OXR1: variants seen among roughly 807,000 people sequenced by gnomAD.
OXR1 encodes the protein oxidation resistance protein 1.
Under a neutral mutation model 104.6 loss-of-function variants are expected in OXR1, and 41 were observed. The ratio of observed to expected loss-of-function variants is 0.39; its 90% confidence interval spans 0.31 to 0.51. The LOEUF (loss-of-function observed/expected upper bound fraction) is 0.51. Ranked by LOEUF, OXR1 falls within the 20% of genes least tolerant of loss-of-function variation. The pLI is 0.77. For missense variants in OXR1, 955 were observed against 1,031.9 expected, an observed-to-expected ratio of 0.93 and a Z score of 1.02; for synonymous variants, 348 against 348.4, an observed-to-expected ratio of 1.00 and a Z score of 0.01.
chr8:106,405,202 AGTGTGTGTGT>A (rs58338664), intron 2 of OXR1, among the ~76,000 whole-genome samples: 2 of 20,036 alleles, frequency 1.0e-4, no homozygotes, highest in Admixed American at 5.6e-4. Flanking sequence ...ATATATATAT[AGTGTGTGTGT>A]GTGTGTGTGT....
intron 11 of OXR1, among the ~76,000 whole-genome samples, chr8:106,723,853 A>ACTCACAG (rs1833079887): frequency 6.6e-6 from 1 of 151,864 alleles, no homozygotes; most frequent in East Asian, 1.9e-4. Flanking sequence ...GCAATGGCAC[A>ACTCACAG]CTCACAGCTC....
intron 3 of OXR1, among the ~76,000 whole-genome samples, chr8:106,646,303 C>T (rs964221793): frequency 7.3e-5 from 11 of 151,240 alleles, no homozygotes; most frequent in African/African-American, 2.2e-4. Context: ...GATTGGTTTT[C>T]GCTATGTTGG....
In OXR1 at chr8:106,725,818, C is replaced by G. The variant is rs536885747; in HGVS notation, c.1957-11702C>G. ...GAACATAATTTTATGACTATATGAA[C>G]AAATAACAAAATGTTCATTCAAATC... On this transcript the variant is annotated intron_variant, in intron 11 of 16. Transcript: ENST00000517566. 1.7e-4 allele frequency among the ~76,000 whole-genome samples: 26 copies of G among 152,250 alleles called. No individual in the cohort carries two copies. The South Asian group carries it at 2.7e-3, about 16-fold the overall frequency.
chr8:106,326,431 G>C (rs1699130), intron 1 of OXR1, among the ~76,000 whole-genome samples: 147,476 of 152,354 alleles, frequency 0.97, 71,438 homozygotes, highest in East Asian at 1. Context: ...TGTTTTCCAA[G>C]CTAAATTCTG....
chr8:106,538,833 C>T (rs60190991), intron 3 of OXR1, among the ~76,000 whole-genome samples: 2 of 151,998 alleles, frequency 1.3e-5, no homozygotes, highest in African/African-American at 4.8e-5. Context: ...AATTCTTCAA[C>T]GTGGGGAAAA....
chr8:106,298,750 A>C (rs200359200), intron 1 of OXR1, among the ~76,000 whole-genome samples: 1 of 144,274 alleles, frequency 6.9e-6, no homozygotes. Flanking sequence ...AGGAAAAAAA[A>C]CAAAACAAAT....
intron 3 of OXR1, among the ~76,000 whole-genome samples, chr8:106,647,132 T>G (rs138510006): frequency 6.6e-6 from 1 of 152,354 alleles, no homozygotes; most frequent in Non-Finnish European, 1.5e-5. Context: ...GCTGAGTCCT[T>G]GTTTGGCTTG....
chr8:106,645,013 T>C (rs1823956585), intron 3 of OXR1, among the ~76,000 whole-genome samples: 1 of 151,980 alleles, frequency 6.6e-6, no homozygotes, highest in African/African-American at 2.4e-5. Flanking sequence ...AATACTTAGA[T>C]TGGCGGATTT....
chr8:106,486,866 T>C (rs1810692812), intron 2 of OXR1, among the ~76,000 whole-genome samples: 1 of 152,000 alleles, frequency 6.6e-6, no homozygotes, highest in Non-Finnish European at 1.5e-5. Flanking sequence ...TATTGTATTA[T>C]AATAAGTTAT....
chr8:106,576,773 A>G (rs532956905), intron 3 of OXR1, among the ~76,000 whole-genome samples: 1 of 152,302 alleles, frequency 6.6e-6, no homozygotes, highest in East Asian at 1.9e-4. Flanking sequence ...CAGTAAGTCA[A>G]ACATCATCAC....
chr8:106,277,868 C>T (rs545406762), intron 1 of OXR1, among the ~76,000 whole-genome samples: 2 of 152,260 alleles, frequency 1.3e-5, no homozygotes, highest in South Asian at 4.2e-4. Context: ...CTGGTCAGGT[C>T]AAGAGCCCTC....
intron 6 of OXR1, among the ~76,000 whole-genome samples, chr8:106,690,107 A>G (rs933672874): frequency 2.7e-5 from 4 of 150,926 alleles, no homozygotes; most frequent in African/African-American, 9.7e-5. Context: ...TTTATAGAAT[A>G]TATAAATCGT....
At chr8:106,317,642 C>G (rs750867740) in intron 1 of OXR1, among the ~76,000 whole-genome samples, 7 of 152,054 alleles carry the variant, frequency 4.6e-5, no homozygotes, top group South Asian at 2.1e-4. Flanking sequence ...AACAGGGGGG[C>G]CCCTCTCCCA....
At chr8:106,346,689 C>T (rs905171396) in intron 1 of OXR1, among the ~76,000 whole-genome samples, 1 of 151,948 alleles carries the variant, frequency 6.6e-6, no homozygotes, top group Non-Finnish European at 1.5e-5. Context: ...TGTGGCTTCA[C>T]TGAATCTTCA....
chr8:106,479,895 G>C (rs776800729), intron 2 of OXR1, among the ~76,000 whole-genome samples: 3 of 151,964 alleles, frequency 2.0e-5, no homozygotes, highest in African/African-American at 4.8e-5. Context: ...AGGAACAAAC[G>C]TGAAAGACTT....
chr8:106,684,279 A>G lies in OXR1; in HGVS notation c.445A>G (p.Ser149Gly), dbSNP rs760710638. The change falls in exon 6 of 17, where the codon AGT becomes GGT. Residue 149 changes from serine to glycine, a missense_variant. Physicochemically the swap from Ser to Gly is moderately conservative, Grantham distance 56. Around this residue, in one of 2 missense-constraint regions of OXR1, gnomAD observed 849 missense variants for 852.9 expected, o/e 1.00. Coordinates refer to ENST00000517566, the MANE Select transcript of OXR1 (RefSeq NM_001198533.2). Reference sequence around the variant, plus strand: ...TGTTCCTGATCCTGAATATGTCTCCAGTGTTGAGAGCTCTCCATCTCTAAG... The same window carrying G: ...TGTTCCTGATCCTGAATATGTCTCCGGTGTTGAGAGCTCTCCATCTCTAAG... ...LYVPDPEYVS[S>G]VESSPSLSPV... is the part of the protein sequence containing the mutation. 16 of 1,605,660 alleles carry G rather than the reference A, an allele frequency of 1.0e-5. No homozygotes were observed. The highest frequency in any genetic ancestry group is 1.4e-5 in the Non-Finnish European group (16 of 1,172,622).
intron 3 of OXR1, among the ~76,000 whole-genome samples, chr8:106,641,065 C>G (rs958703643): frequency 6.6e-6 from 1 of 152,194 alleles, no homozygotes; most frequent in Non-Finnish European, 1.5e-5. Flanking sequence ...CAAATACATC[C>G]AATCATGCTA....
chr8:106,725,548 A>G (rs1242084553), intron 11 of OXR1, among the ~76,000 whole-genome samples: 2 of 152,238 alleles, frequency 1.3e-5, no homozygotes, highest in Admixed American at 6.5e-5. Context: ...CATAGTGAAT[A>G]TAACTACCTT....
At chr8:106,711,389 A>G (rs1831673273) in intron 10 of OXR1, among the ~76,000 whole-genome samples, 1 of 152,088 alleles carries the variant, frequency 6.6e-6, no homozygotes, top group Non-Finnish European at 1.5e-5. Context: ...AATTACTTTA[A>G]CAGTTAGACA....
Sources: allele counts gnomAD v4.1 joint callset (sites outside exome capture counted in the v4.1 genomes callset), GRCh38; gene constraint gnomAD v4.1.1; regional missense constraint gnomAD v4.1.1; transcripts MANE v1.5; gene names NCBI Gene and HGNC (gene_info 2026-07-23, HGNC 2026-07-21).